The following SLC24A3 variants were observed in gnomAD, a reference collection of about 807,000 sequenced individuals.
SLC24A3 encodes solute carrier family 24 member 3, also known as sodium/potassium/calcium exchanger 3.
In SLC24A3, 28 loss-of-function variants were observed where a neutral mutation model predicts 75.8. The ratio of observed to expected loss-of-function variants is 0.37; its 90% confidence interval spans 0.27 to 0.51. SLC24A3 has a LOEUF of 0.51. SLC24A3 is among the 20% of genes least tolerant of loss of function. The pLI is 0.94. For missense variants in SLC24A3, 663 were observed against 847.8 expected, an observed-to-expected ratio of 0.78 and a Z score of 2.71; for synonymous variants, 372 against 334.1, an observed-to-expected ratio of 1.11 and a Z score of -1.24.
chr20:19,579,256 G>A (rs1536267), intron 3 of SLC24A3, among the ~76,000 whole-genome samples: 117,928 of 152,100 alleles, frequency 0.78, 46,299 homozygotes, highest in South Asian at 0.89. Context: ...TTCATTAGTT[G>A]GAGAGGAAAC....
At chr20:19,627,444 C>T (rs561012566) in intron 6 of SLC24A3, among the ~76,000 whole-genome samples, 4 of 152,282 alleles carry the variant, frequency 2.6e-5, no homozygotes, top group Non-Finnish European at 5.9e-5. Flanking sequence ...ATTAACCTAA[C>T]GTGATTCTTG....
At chr20:19,487,604 A>G (rs1190333553) in intron 2 of SLC24A3, among the ~76,000 whole-genome samples, 1 of 152,230 alleles carries the variant, frequency 6.6e-6, no homozygotes, top group African/African-American at 2.4e-5. Flanking sequence ...TCTCTGAAGA[A>G]CTGAATCCCA....
chr20:19,244,778 A>G (rs1385174543), intron 1 of SLC24A3, among the ~76,000 whole-genome samples: 2 of 152,208 alleles, frequency 1.3e-5, no homozygotes, highest in African/African-American at 4.8e-5. Context: ...TCCTGATCCA[A>G]AACAACAGGA....
intron 3 of SLC24A3, among the ~76,000 whole-genome samples, chr20:19,524,679 T>C (rs990127973): frequency 2.0e-5 from 3 of 152,222 alleles, no homozygotes; most frequent in Admixed American, 6.5e-5. Context: ...TCCTTTTTAT[T>C]TATTTTATTT....
intron 2 of SLC24A3, among the ~76,000 whole-genome samples, chr20:19,496,394 A>G (rs886773616): frequency 1.3e-5 from 2 of 152,168 alleles, no homozygotes; most frequent in Non-Finnish European, 2.9e-5. Flanking sequence ...ACATTAAAGG[A>G]GCATATGAAG....
chr20:19,242,403 A>C (rs1284898122), intron 1 of SLC24A3: 1 of 152,114 alleles, frequency 6.6e-6, no homozygotes, highest in South Asian at 2.1e-4. Flanking sequence ...ATATAGATTG[A>C]GGTTTGGGCG....
chr20:19,450,517 C>T (rs1356636472), intron 2 of SLC24A3, among the ~76,000 whole-genome samples: 5 of 152,162 alleles, frequency 3.3e-5, no homozygotes, highest in African/African-American at 1.2e-4. Context: ...TCTCATCACA[C>T]AGTTGTTACC....
chr20:19,407,414 G>A (rs1389474777), intron 2 of SLC24A3, among the ~76,000 whole-genome samples: 1 of 152,214 alleles, frequency 6.6e-6, no homozygotes, highest in East Asian at 1.9e-4. Flanking sequence ...CTCTGATGCT[G>A]CAGCTCCTGC....
At chr20:19,380,675 T>G (rs899144652) in intron 2 of SLC24A3, among the ~76,000 whole-genome samples, 2 of 152,110 alleles carry the variant, frequency 1.3e-5, no homozygotes, top group African/African-American at 4.8e-5. Flanking sequence ...AAAGGAAGCA[T>G]GATGGATTAT....
intron 2 of SLC24A3, among the ~76,000 whole-genome samples, chr20:19,461,823 G>A (rs536192145): frequency 1.2e-4 from 18 of 152,172 alleles, no homozygotes; most frequent in South Asian, 2.1e-4. Context: ...GTGAGCCATC[G>A]TGCCTGGCCC....
chr20:19,524,548 A>G (rs1217558398), intron 3 of SLC24A3, among the ~76,000 whole-genome samples: 1 of 152,222 alleles, frequency 6.6e-6, no homozygotes, highest in Non-Finnish European at 1.5e-5. Context: ...TAGAGAGCTT[A>G]TGCACATTGC....
intron 2 of SLC24A3, among the ~76,000 whole-genome samples, chr20:19,340,319 A>C (rs1985242146): frequency 1.3e-5 from 2 of 152,174 alleles, no homozygotes; most frequent in Admixed American, 6.5e-5. Flanking sequence ...AGATGAGGAA[A>C]ACCAAAGCTT....
chr20:19,513,293 G>T (rs1422739783), intron 2 of SLC24A3, among the ~76,000 whole-genome samples: 1 of 152,240 alleles, frequency 6.6e-6, no homozygotes. Context: ...TGCTGGGTGT[G>T]CAGCCCTTCT....
intron 6 of SLC24A3, among the ~76,000 whole-genome samples, chr20:19,606,090 C>A (rs755187702): frequency 3.3e-4 from 50 of 152,242 alleles, no homozygotes; most frequent in Non-Finnish European, 6.3e-4. Flanking sequence ...CTGCCAGTTT[C>A]CCAGCCTTCC....
chr20:19,709,181 G>C (rs944984618), intron 15 of SLC24A3, among the ~76,000 whole-genome samples: 3 of 151,918 alleles, frequency 2.0e-5, no homozygotes, highest in African/African-American at 7.3e-5. Context: ...AAGGGAGCTG[G>C]GGGGTTTATT....
intron 3 of SLC24A3, among the ~76,000 whole-genome samples, chr20:19,553,488 G>T (rs1001313743): frequency 3.9e-5 from 6 of 152,142 alleles, no homozygotes; most frequent in Admixed American, 1.3e-4. Flanking sequence ...TAACACAACT[G>T]TGTACACTTC....
chr20:19,265,489 T>C (rs1349601853), intron 1 of SLC24A3, among the ~76,000 whole-genome samples: 1 of 152,142 alleles, frequency 6.6e-6, no homozygotes, highest in East Asian at 1.9e-4. Flanking sequence ...TGGGGTTCTG[T>C]TTGGGATTTC....
chr20:19,377,308 T>C (rs6112334), intron 2 of SLC24A3, among the ~76,000 whole-genome samples: 1,981 of 152,236 alleles, frequency 0.013, 35 homozygotes, highest in African/African-American at 0.046. Flanking sequence ...GTCCCTGTCA[T>C]GAAGATGGAA....
chr20:19,387,930 C>G (rs1238693529), intron 2 of SLC24A3, among the ~76,000 whole-genome samples: 1 of 152,036 alleles, frequency 6.6e-6, no homozygotes, highest in Non-Finnish European at 1.5e-5. Flanking sequence ...AAGTCCTCTA[C>G]TATTATTGTT....
Sources: allele counts gnomAD v4.1 joint callset (sites outside exome capture counted in the v4.1 genomes callset), GRCh38; gene constraint gnomAD v4.1.1; transcripts MANE v1.5; gene names NCBI Gene and HGNC (gene_info 2026-07-23, HGNC 2026-07-21).